The following PPP3CC variants were observed in gnomAD, a reference collection of about 807,000 sequenced individuals.
The protein encoded by PPP3CC is protein phosphatase 3 catalytic subunit gamma.
A neutral mutation model predicts 60.3 loss-of-function variants in PPP3CC; 35 were observed. That is an observed-to-expected ratio of 0.58 (90% CI 0.44 to 0.77). PPP3CC has a LOEUF of 0.77. PPP3CC is among the 30% of genes least tolerant of loss of function. PPP3CC has a pLI of 0.00. For synonymous variants in PPP3CC, 206 were observed against 224.3 expected (o/e 0.92, Z 0.73); for missense variants, 570 against 628.9 (o/e 0.91, Z 1.00).
chr8:22,473,271 G>T (rs763888634), intron 1 of PPP3CC, among the ~76,000 whole-genome samples: 9 of 152,080 alleles, frequency 5.9e-5, no homozygotes, highest in Non-Finnish European at 1.3e-4. Context: ...CAGACTTGTG[G>T]CTCTTAGATC....
chr8:22,474,388 C>T (rs191095241), intron 1 of PPP3CC, among the ~76,000 whole-genome samples: 92 of 152,112 alleles, frequency 6.0e-4, no homozygotes, highest in African/African-American at 2.0e-3. Flanking sequence ...CCTGAATCAG[C>T]TTCAAGTCTT....
intron 3 of PPP3CC, among the ~76,000 whole-genome samples, chr8:22,495,881 A>C (rs1337583585): frequency 6.6e-6 from 1 of 152,050 alleles, no homozygotes; most frequent in African/African-American, 2.4e-5. Flanking sequence ...TGTGTGGTCA[A>C]ATTTACCCAT....
At chr8:22,478,163 T>G (rs1837954277) in intron 3 of PPP3CC, among the ~76,000 whole-genome samples, 1 of 151,642 alleles carries the variant, frequency 6.6e-6, no homozygotes, top group African/African-American at 2.4e-5. Context: ...AAACAACTTT[T>G]TTTTTTGAGA....
chr8:22,497,328 C>T (rs1251306879), intron 3 of PPP3CC, among the ~76,000 whole-genome samples: 1 of 151,404 alleles, frequency 6.6e-6, no homozygotes, highest in Non-Finnish European at 1.5e-5. Flanking sequence ...TGCACCTGGC[C>T]CTATTTTTTT....
chr8:22,480,384 A>C lies in PPP3CC; in HGVS notation c.372+4760A>C, dbSNP rs1054704707. Among the ~76,000 whole-genome samples, 8 of 152,332 alleles carry C rather than the reference A, an allele frequency of 5.3e-5. No homozygotes were observed. In the East Asian group the frequency reaches 1.5e-3, roughly 29 times the overall value. ...TAACAGTTTCTTATATAATTTACTA[A>C]ATGAGCCTGATCATTTCATATCTCT... On this transcript the variant is annotated intron_variant, in intron 3 of 13. Transcript: ENST00000240139.
intron 1 of PPP3CC, among the ~76,000 whole-genome samples, chr8:22,452,499 GT>G (rs1162161664): frequency 6.7e-6 from 1 of 148,300 alleles, no homozygotes; most frequent in East Asian, 2.0e-4. Context: ...ATTTCTGTTT[GT>G]TTTTTTTTTC....
intron 1 of PPP3CC, among the ~76,000 whole-genome samples, chr8:22,443,163 T>G (rs953690844): frequency 6.6e-6 from 1 of 152,142 alleles, no homozygotes; most frequent in East Asian, 1.9e-4. Context: ...TTAAAAATCT[T>G]AAATGACCCT....
chr8:22,448,049 G>T (rs977443103), intron 1 of PPP3CC, among the ~76,000 whole-genome samples: 1 of 152,180 alleles, frequency 6.6e-6, no homozygotes, highest in Admixed American at 6.5e-5. Flanking sequence ...AATATTTGAA[G>T]AATTCATTCA....
At chr8:22,505,714 A>T (rs1265555125) in intron 4 of PPP3CC, among the ~76,000 whole-genome samples, 1 of 152,218 alleles carries the variant, frequency 6.6e-6, no homozygotes, top group African/African-American at 2.4e-5. Context: ...CTATAAGGAA[A>T]TGAAGATCCA....
chr8:22,486,855 G>A (rs571121310), intron 3 of PPP3CC, among the ~76,000 whole-genome samples: 11 of 150,170 alleles, frequency 7.3e-5, no homozygotes, highest in East Asian at 4.0e-4. Context: ...TCACCCTCCC[G>A]AGTAGCTGGG....
chr8:22,451,640 T>A (rs140411071), intron 1 of PPP3CC, among the ~76,000 whole-genome samples: 1 of 152,290 alleles, frequency 6.6e-6, no homozygotes, highest in East Asian at 1.9e-4. Flanking sequence ...CCCAGCCCCC[T>A]TCGGTTGTGA....
At chr8:22,448,386 T>TTG (rs1216013544) in intron 1 of PPP3CC, among the ~76,000 whole-genome samples, 1 of 151,032 alleles carries the variant, frequency 6.6e-6, no homozygotes, top group African/African-American at 2.4e-5. Context: ...TTTTTGTTTT[T>TTG]TTTTTTTTTT....
intron 1 of PPP3CC, among the ~76,000 whole-genome samples, chr8:22,473,331 A>G (rs1441877167): frequency 2.6e-5 from 4 of 152,224 alleles, no homozygotes; most frequent in African/African-American, 9.7e-5. Flanking sequence ...ATAACAAGAC[A>G]ACAGCCAATT....
At chr8:22,453,837 C>T (rs998589716) in intron 1 of PPP3CC, among the ~76,000 whole-genome samples, 2 of 151,952 alleles carry the variant, frequency 1.3e-5, no homozygotes, top group Non-Finnish European at 2.9e-5. Context: ...AGAAAAGGTA[C>T]AGTAAAAGTA....
intron 1 of PPP3CC, among the ~76,000 whole-genome samples, chr8:22,446,447 A>G (rs1272487387): frequency 2.0e-5 from 3 of 152,262 alleles, no homozygotes; most frequent in Non-Finnish European, 2.9e-5. Flanking sequence ...TTAAAGTGAA[A>G]TAATTAATTA....
intron 4 of PPP3CC, among the ~76,000 whole-genome samples, chr8:22,506,976 T>G (rs536351397): frequency 6.8e-6 from 1 of 147,916 alleles, no homozygotes; most frequent in African/African-American, 2.5e-5. Flanking sequence ...AATAAAAAAT[T>G]TGAGCTATGT....
Position 22,475,471 on chromosome 8 carries a change from C to T in PPP3CC, c.248-29C>T, listed in dbSNP as rs572847182. 2.9e-5 allele frequency: 46 copies of T among 1,592,884 alleles called. 1 individual carries two copies. In the South Asian group the frequency reaches 5.1e-4, roughly 18 times the overall value. On this transcript the variant is annotated intron_variant, in intron 2 of 13. Coordinates refer to ENST00000240139, the MANE Select transcript of PPP3CC (RefSeq NM_005605.5). ...CCCTTCGTCTTCTAAGGTATAATTT[C>T]TCACATCACTTTATGCTTTTTTTCC...
intron 1 of PPP3CC, among the ~76,000 whole-genome samples, chr8:22,465,911 A>G (rs1393136220): frequency 6.6e-6 from 1 of 152,098 alleles, no homozygotes. Flanking sequence ...ATAGGTATAC[A>G]TGTGCCATGT....
Position 22,460,580 on chromosome 8 carries a change from G to A in PPP3CC, c.50-14374G>A, listed in dbSNP as rs955788006. On this transcript the variant is annotated intron_variant, in intron 1 of 13. Coordinates refer to ENST00000240139, the MANE Select transcript of PPP3CC (RefSeq NM_005605.5). ...CACATCTGTAAACCTGGCACTTTGG[G>A]AGGCTGAGGTGGGAGAACTGCTTGA... Among the ~76,000 whole-genome samples the A allele has an allele frequency of 9.9e-5, 15 of 152,106 alleles. 1 individual carries two copies. The highest frequency in any genetic ancestry group is 2.9e-5 in the Non-Finnish European group (2 of 68,020).
Sources: allele counts gnomAD v4.1 joint callset (sites outside exome capture counted in the v4.1 genomes callset), GRCh38; gene constraint gnomAD v4.1.1; transcripts MANE v1.5; gene names NCBI Gene and HGNC (gene_info 2026-07-23, HGNC 2026-07-21).